Variants in GOLGB1 observed in about 807,000 individuals in gnomAD.
The protein encoded by GOLGB1 is golgin subfamily B member 1.
A neutral mutation model predicts 336.9 loss-of-function variants in GOLGB1; 174 were observed. The observed-to-expected ratio is 0.52, with a 90% CI of 0.46 to 0.59. The LOEUF is 0.59. GOLGB1 is among the 20% of genes least tolerant of loss of function. The pLI, the probability that GOLGB1 is intolerant of heterozygous loss-of-function variation, is 0.00. For synonymous variants in GOLGB1, 1,208 were observed against 1,289.2 expected (o/e 0.94, Z 1.35); for missense variants, 3,331 against 3,645.3 (o/e 0.91, Z 2.22).
intron 1 of GOLGB1, among the ~76,000 whole-genome samples, chr3:121,744,874 G>A (rs1947139945): frequency 6.6e-6 from 1 of 152,106 alleles, no homozygotes; most frequent in South Asian, 2.1e-4. Context: ...AGTGGGAAGA[G>A]CACCAAACTG....
chr3:121,731,027 C>T (rs1161284640), intron 1 of GOLGB1, 54 bp from the exon 2 acceptor site: 48 of 1,552,392 alleles, frequency 3.1e-5, no homozygotes, highest in South Asian at 2.9e-4. Flanking sequence ...TGAACATAGG[C>T]TTCTCCTATA....
At position 121,694,624 on chromosome 3, in the gene GOLGB1, T is replaced by G; in HGVS notation, c.5899A>C (p.Lys1967Gln). The G allele has an allele frequency of 1.9e-6, 3 of 1,612,074 alleles. No individual in the cohort carries two copies. Among genetic ancestry groups the G allele is most frequent in the Non-Finnish European group, 2.5e-6 (3 of 1,179,974 alleles). The change falls in exon 13 of 22, where the codon AAA becomes CAA. Residue 1967 changes from lysine (K) to glutamine (Q), a missense_variant. Transcript: ENST00000614479. ...ELLESEMKNL[K>Q]KCVSELEEEK... Reference sequence around the variant, plus strand: ...TCTTCCAATTCACTCACACACTTTTTAAGGTTCTTCATTTCAGATTCCAAT... The same window carrying G: ...TCTTCCAATTCACTCACACACTTTTGAAGGTTCTTCATTTCAGATTCCAAT...
intron 9 of GOLGB1, among the ~76,000 whole-genome samples, chr3:121,716,259 C>A (rs901535137): frequency 4.6e-5 from 7 of 151,880 alleles, no homozygotes; most frequent in African/African-American, 1.7e-4. Flanking sequence ...TCCTTTATAC[C>A]TTCATAAAGG....
intron 20 of GOLGB1, among the ~76,000 whole-genome samples, chr3:121,666,671 C>A (rs996993182): frequency 6.6e-6 from 1 of 152,180 alleles, no homozygotes; most frequent in Non-Finnish European, 1.5e-5. Flanking sequence ...TACAAGAAAG[C>A]ATTAATATCA....
intron 6 of GOLGB1, among the ~76,000 whole-genome samples, chr3:121,721,115 T>G (rs1340504648): frequency 6.6e-6 from 1 of 151,916 alleles, no homozygotes; most frequent in Non-Finnish European, 1.5e-5. Flanking sequence ...AAAAAATAAA[T>G]AAAAAATTTA....
chr3:121,695,197 C>T lies in GOLGB1; in HGVS notation c.5326G>A (p.Ala1776Thr), dbSNP rs1477634141. 8 of 1,611,388 alleles carry T rather than the reference C, an allele frequency of 5.0e-6. No individual in the cohort carries two copies. In the South Asian group the frequency reaches 8.8e-5, roughly 18 times the overall value. ...TGTTTCTCGGTGGCCTCTAGGTTAGCTTGTTTAGATACATTACCTTCTATC... is the reference window on the plus strand; with the variant it reads ...TGTTTCTCGGTGGCCTCTAGGTTAGTTTGTTTAGATACATTACCTTCTATC... Reference protein sequence around the residue: ...HQIEGNVSKQANLEATEKHDN... With the variant: ...HQIEGNVSKQTNLEATEKHDN... Residue 1776 changes from alanine to threonine, a missense_variant, in exon 13 of 22, where the codon GCT becomes ACT. Ala to Thr is a moderately conservative substitution (Grantham distance 58). Transcript: ENST00000614479.
chr3:121,693,811 A>G lies in GOLGB1; in HGVS notation c.6712T>C (p.Cys2238Arg). The change falls in exon 13 of 22, where the codon TGC becomes CGC. Residue 2238 changes from cysteine (C) to arginine (R), a missense_variant. By Grantham distance (180) the Cys-to-Arg change is radical. Transcript: ENST00000614479. ...CTAAGTTGATCCTTTAGAACACTGC[A>G]ATTATCTTCTTTGAGTCTAATTTCT... The part of the protein sequence containing the change: ...EEEIRLKEDN[C>R]SVLKDQLRQM... 1 of 1,610,246 alleles carries G rather than the reference A, an allele frequency of 6.2e-7. No homozygotes were observed. Among genetic ancestry groups the G allele is most frequent in the African/African-American group, 1.3e-5 (1 of 75,002 alleles).
At chr3:121,683,659 A>C (rs566968177) in intron 14 of GOLGB1, among the ~76,000 whole-genome samples, 19 of 152,326 alleles carry the variant, frequency 1.2e-4, no homozygotes, top group Admixed American at 5.9e-4. Context: ...GAAGAAAACC[A>C]ACTAGAGAAG....
At chr3:121,670,573 T>C (rs1939365223) in intron 17 of GOLGB1, among the ~76,000 whole-genome samples, 1 of 152,128 alleles carries the variant, frequency 6.6e-6, no homozygotes, top group Non-Finnish European at 1.5e-5. Context: ...CTTTCACCAG[T>C]ATCATCTTAT....
At chr3:121,740,527 G>C (rs1192356272) in intron 1 of GOLGB1, among the ~76,000 whole-genome samples, 1 of 152,140 alleles carries the variant, frequency 6.6e-6, no homozygotes, top group Non-Finnish European at 1.5e-5. Context: ...ACCAATGTTG[G>C]TTTCTTAATT....
chr3:121,714,375 A>C (rs1944594909), intron 10 of GOLGB1, among the ~76,000 whole-genome samples: 1 of 152,242 alleles, frequency 6.6e-6, no homozygotes, highest in East Asian at 1.9e-4. Flanking sequence ...AGATGAAAGA[A>C]AGAATATACT....
In GOLGB1 at chr3:121,695,005, T is replaced by C. The variant is rs1158036880; in HGVS notation, c.5518A>G (p.Ile1840Val). ...TCAATCTGCTGTAGGTAGTTATTAA[T>C]TTCATCATGTGAGCTGAAATCCTTA... ...VSKDFSSHDEINNYLQQIDQL... is the reference protein window; with the variant it reads ...VSKDFSSHDEVNNYLQQIDQL... The change falls in exon 13 of 22, where the codon ATT becomes GTT. Residue 1840 changes from isoleucine (I) to valine (V), a missense_variant. Coordinates refer to ENST00000614479, the MANE Select transcript of GOLGB1 (RefSeq NM_001366282.2). The C allele has an allele frequency of 6.2e-7, 1 of 1,614,130 alleles. No homozygotes were observed. The highest frequency in any genetic ancestry group is 8.5e-7 in the Non-Finnish European group (1 of 1,179,956).
intron 1 of GOLGB1, among the ~76,000 whole-genome samples, chr3:121,731,249 T>C (rs1013346460): frequency 1.3e-5 from 2 of 152,226 alleles, no homozygotes; most frequent in African/African-American, 4.8e-5. Flanking sequence ...CGTTAAACAT[T>C]AATACAATGT....
Position 121,664,665 on chromosome 3 carries a change from T to C in GOLGB1, c.9661-51A>G, listed in dbSNP as rs370588538. 1.1e-5 allele frequency: 17 copies of C among 1,557,258 alleles called. No individual in the cohort carries two copies. The African/African-American group carries it at 2.3e-4, about 21-fold the overall frequency. On this transcript the variant is annotated intron_variant, in intron 21 of 21. Transcript: ENST00000614479. Reference sequence around the variant, plus strand: ...GAGTTTTCACCCTATAGGGCTATGTTGCTTTCCCTCCTACTAGTCTTGCAC... The same window carrying C: ...GAGTTTTCACCCTATAGGGCTATGTCGCTTTCCCTCCTACTAGTCTTGCAC...
At chr3:121,709,850 T>C (rs1175308786) in intron 10 of GOLGB1, among the ~76,000 whole-genome samples, 1 of 151,314 alleles carries the variant, frequency 6.6e-6, no homozygotes, top group Non-Finnish European at 1.5e-5. Flanking sequence ...ACAGAGAAAA[T>C]TAACAAGACC....
In GOLGB1 at chr3:121,690,983, G is replaced by C. The variant is rs1188371135; in HGVS notation, c.8381C>G (p.Ala2794Gly). The C allele has an allele frequency of 6.2e-7, 1 of 1,614,100 alleles. No homozygotes were observed. Among genetic ancestry groups the C allele is most frequent in the East Asian group, 2.2e-5 (1 of 44,886 alleles). The change falls in exon 14 of 22, where the codon GCC (alanine) becomes GGC (glycine). Residue 2794 changes from alanine (A) to glycine (G), a missense_variant. Transcript: ENST00000614479. ...CTCCTCAGTGGAGTTCATTGAAAAG[G>C]CGGTTTCAGAAAGAAGAGCATCTCT... ...RERDALLSET[A>G]FSMNSTEENS... is the part of the protein sequence containing the mutation.
chr3:121,727,323 T>TTTTTTA (rs1560308323), intron 4 of GOLGB1, among the ~76,000 whole-genome samples: 3 of 56,066 alleles, frequency 5.4e-5, no homozygotes, highest in Non-Finnish European at 6.9e-5. Flanking sequence ...TATATATATT[T>TTTTTTA]TTTTTTTTTT....
Position 121,693,780 on chromosome 3 carries a change from A to G in GOLGB1, c.6743T>C (p.Met2248Thr). The change falls in exon 13 of 22, where the codon ATG (methionine) becomes ACG (threonine). Residue 2248 changes from methionine (M) to threonine (T), a missense_variant. Physicochemically the swap from Met to Thr is moderately conservative, Grantham distance 81. Transcript: ENST00000614479. Reference protein sequence around the residue: ...CSVLKDQLRQMSIHMEELKIN... With the variant: ...CSVLKDQLRQTSIHMEELKIN... ...CTTTAATTCTTCCATATGGATGGAC[A>G]TCTGTCTAAGTTGATCCTTTAGAAC... 1 of 1,610,184 alleles carries G rather than the reference A, an allele frequency of 6.2e-7. No homozygotes were observed. The highest frequency in any genetic ancestry group is 8.5e-7 in the Non-Finnish European group (1 of 1,176,894).
chr3:121,720,038 T>G (rs1945076448), intron 6 of GOLGB1, among the ~76,000 whole-genome samples: 1 of 152,220 alleles, frequency 6.6e-6, no homozygotes, highest in Non-Finnish European at 1.5e-5. Flanking sequence ...AGAAATGTTT[T>G]AAATATACAA....
Sources: allele counts gnomAD v4.1 joint callset (sites outside exome capture counted in the v4.1 genomes callset), GRCh38; gene constraint gnomAD v4.1.1; transcripts MANE v1.5; gene names NCBI Gene and HGNC (gene_info 2026-07-23, HGNC 2026-07-21).